The following FABP6 variants were observed in gnomAD, a reference collection of about 807,000 sequenced individuals.
FABP6 encodes the protein gastrotropin.
In FABP6, 13 loss-of-function variants were observed where a neutral mutation model predicts 14.9. The ratio of observed to expected loss-of-function variants is 0.87; its 90% confidence interval spans 0.57 to 1.39. FABP6 has a LOEUF of 1.39. Among genes scored for constraint, FABP6 ranks in the 40% most tolerant of loss-of-function variants. The pLI, the probability that FABP6 is intolerant of heterozygous loss-of-function variation, is 0.00. For synonymous variants in FABP6, 75 were observed against 63.6 expected (o/e 1.18, Z -0.85); for missense variants, 161 against 167.2 (o/e 0.96, Z 0.20).
upstream of FABP6, among the ~76,000 whole-genome samples, chr5:160,224,527 T>G (rs1020143897): frequency 5.9e-5 from 9 of 152,072 alleles, no homozygotes; most frequent in African/African-American, 2.2e-4. Context: ...ACATTAGAAA[T>G]GATTAAGCTT....
chr5:160,237,910 C>G (rs1760551639), intron 3 of FABP6, among the ~76,000 whole-genome samples: 1 of 152,180 alleles, frequency 6.6e-6, no homozygotes, highest in Non-Finnish European at 1.5e-5. Flanking sequence ...GCCAATTCCC[C>G]CTCCTGTTAT....
At chr5:160,223,678 C>T (rs1189126252) in intron 3 of FABP6, among the ~76,000 whole-genome samples, 7 of 151,572 alleles carry the variant, frequency 4.6e-5, no homozygotes, top group Non-Finnish European at 1.0e-4. Context: ...CTTTCCGCCT[C>T]GGCCTCCTAT....
In FABP6 at chr5:160,223,332, C is replaced by CCCTTCCTTCCTT. The variant is rs367909259; in HGVS notation, c.136-6196_136-6185dup. Among the ~76,000 whole-genome samples, 195 of 93,402 alleles carry CCCTTCCTTCCTT rather than the reference C, an allele frequency of 2.1e-3. 8 individuals are homozygous for CCCTTCCTTCCTT. Among genetic ancestry groups the CCCTTCCTTCCTT allele is most frequent in the Admixed American group, 4.4e-3 (38 of 8,716 alleles). The allele number at this position is 93,402 out of a possible 152,430, so 61.3% of individuals were successfully genotyped here. A position where few individuals can be genotyped will look rare whatever the true frequency, so the allele number is the denominator to read the frequency against. ...TCATATAAGAGTGAATTTTTGCCCGCCCTTCCTTCCTTCCTTCCTTCCTTC... is the reference window on the plus strand; with the variant it reads ...TCATATAAGAGTGAATTTTTGCCCGCCCTTCCTTCCTTCCTTCCTTCCTTCCTTCCTTCCTTC... On this transcript the variant is annotated intron_variant, in intron 3 of 6. Coordinates refer to the FABP6 transcript ENST00000393980.
intron 2 of FABP6, chr5:160,213,661 G>A (rs1759940711): frequency 8.7e-6 from 11 of 1,257,176 alleles, no homozygotes; most frequent in Admixed American, 1.7e-5. Flanking sequence ...CTGCCTCCCT[G>A]CACAGAGCTG....
At chr5:160,215,426 T>C (rs1759989509) in intron 3 of FABP6, among the ~76,000 whole-genome samples, 1 of 151,382 alleles carries the variant, frequency 6.6e-6, no homozygotes, top group South Asian at 2.1e-4. Context: ...GGCAGGAGAA[T>C]CACTTGAACC....
chr5:160,191,990 GAAAA>G (rs775293331), intron 1 of FABP6, among the ~76,000 whole-genome samples: 3 of 150,278 alleles, frequency 2.0e-5, no homozygotes, highest in Non-Finnish European at 4.4e-5. Flanking sequence ...AGAAAAAAAA[GAAAA>G]AAAAAGAAAT....
chr5:160,213,343 AAG>A (rs1759932991), intron 2 of FABP6, among the ~76,000 whole-genome samples: 1 of 152,242 alleles, frequency 6.6e-6, no homozygotes, highest in Non-Finnish European at 1.5e-5. Context: ...AAGCAGGGAC[AAG>A]AGAATCCATT....
chr5:160,230,478 A>C (rs1343528394), intron 1 of FABP6, among the ~76,000 whole-genome samples: 1 of 152,100 alleles, frequency 6.6e-6, no homozygotes, highest in Non-Finnish European at 1.5e-5. Context: ...CTCCTACCTC[A>C]GCCTCTCAAG....
intron 1 of FABP6, among the ~76,000 whole-genome samples, chr5:160,230,075 G>C (rs1467936080): frequency 6.6e-6 from 1 of 151,318 alleles, no homozygotes; most frequent in Admixed American, 6.6e-5. Context: ...TAAAGATGGG[G>C]TTTTACCATG....
chr5:160,229,857 TTTTA>T (rs1760335473), intron 1 of FABP6, among the ~76,000 whole-genome samples: 2 of 105,166 alleles, frequency 1.9e-5, no homozygotes, highest in African/African-American at 3.2e-5. Flanking sequence ...TTTTATTTTA[TTTTA>T]TTTTATTTTA....
Position 160,222,859 on chromosome 5 carries a change from G to A in FABP6, c.136-6687G>A, listed in dbSNP as rs80106247. Among the ~76,000 whole-genome samples, 707 of 152,304 alleles carry A rather than the reference G, an allele frequency of 4.6e-3. 6 individuals are homozygous for A. Among genetic ancestry groups the A allele is most frequent in the African/African-American group, 0.016 (674 of 41,554 alleles). ...AAAACATTGTATGAGTTGTAAGAAT[G>A]TTCTAGACCCCTTAAGTTTGTAGTC... On this transcript the variant is annotated intron_variant, in intron 3 of 6. Transcript: ENST00000393980.
At chr5:160,234,984 G>A (rs1760476554) in intron 3 of FABP6, 75 bp downstream of exon 3, 4 of 1,322,420 alleles carry the variant, frequency 3.0e-6, no homozygotes, top group Non-Finnish European at 4.2e-6. Context: ...TCAGAAGTAG[G>A]CCTCTACGCA....
intron 3 of FABP6, among the ~76,000 whole-genome samples, chr5:160,220,692 G>C (rs543641459): frequency 6.6e-6 from 1 of 151,840 alleles, no homozygotes; most frequent in African/African-American, 2.4e-5. Context: ...GAAGTGGTCG[G>C]GTAATGTTTC....
intron 1 of FABP6, 114 bp from the exon 2 acceptor site, chr5:160,231,984 A>G: frequency 8.2e-7 from 1 of 1,222,128 alleles, no homozygotes; most frequent in South Asian, 1.5e-5. Context: ...CCTGCAGGCT[A>G]GCCTATCATG....
At chr5:160,226,100 G>A (rs541248432), upstream of FABP6, among the ~76,000 whole-genome samples, 6 of 152,034 alleles carry the variant, frequency 3.9e-5, no homozygotes, top group South Asian at 1.0e-3. Flanking sequence ...CTTGAACCTG[G>A]GAGGCAGAGG....
At chr5:160,221,541 A>T (rs1760127947) in intron 3 of FABP6, among the ~76,000 whole-genome samples, 2 of 152,088 alleles carry the variant, frequency 1.3e-5, no homozygotes, top group African/African-American at 4.8e-5. Context: ...ACTGGCTGTC[A>T]CCTTCTGGCT....
At chr5:160,225,676 A>C (rs1307097929), upstream of FABP6, among the ~76,000 whole-genome samples, 1 of 152,154 alleles carries the variant, frequency 6.6e-6, no homozygotes, top group African/African-American at 2.4e-5. Flanking sequence ...CTGGGATTAC[A>C]GGTATGAGCC....
chr5:160,189,464 A>C (rs1759353186), intron 1 of FABP6, among the ~76,000 whole-genome samples: 1 of 152,176 alleles, frequency 6.6e-6, no homozygotes, highest in African/African-American at 2.4e-5. Flanking sequence ...GCTGGTCTCA[A>C]ACTCCTGACC....
At chr5:160,193,380 G>A (rs1410969341) in intron 1 of FABP6, among the ~76,000 whole-genome samples, 1 of 152,128 alleles carries the variant, frequency 6.6e-6, no homozygotes, top group Non-Finnish European at 1.5e-5. Flanking sequence ...GTGAGCAGTA[G>A]CAAGATTTAT....
Sources: allele counts gnomAD v4.1 joint callset (sites outside exome capture counted in the v4.1 genomes callset), GRCh38; gene constraint gnomAD v4.1.1; transcripts MANE v1.5; gene names NCBI Gene and HGNC (gene_info 2026-07-23, HGNC 2026-07-21).